The following NRXN1 variants were observed in gnomAD, a reference collection of about 807,000 sequenced individuals.
NRXN1 encodes neurexin-1.
In NRXN1, 39 loss-of-function variants were observed where a neutral mutation model predicts 150.9. The ratio of observed to expected loss-of-function variants is 0.26; its 90% CI spans 0.20 to 0.34. The LOEUF (loss-of-function observed/expected upper bound fraction) is 0.34. Ranked by LOEUF, NRXN1 falls within the 10% of genes least tolerant of loss-of-function variation. The pLI, the probability that NRXN1 is intolerant of heterozygous loss-of-function variation, is 1.00. For synonymous variants in NRXN1, 924 were observed against 757.0 expected (o/e 1.22, Z -3.62); for missense variants, 1,815 against 1,949.9 (o/e 0.93, Z 1.30).
chr2:50,604,862 C>G (rs72885605), intron 8 of NRXN1, among the ~76,000 whole-genome samples: 1,847 of 152,304 alleles, frequency 0.012, 42 homozygotes, highest in African/African-American at 0.042. Flanking sequence ...AAGTCACAAT[C>G]TCTACCATCA....
intron 17 of NRXN1, among the ~76,000 whole-genome samples, chr2:50,409,733 C>T (rs574166464): frequency 2.2e-4 from 33 of 152,290 alleles, no homozygotes; most frequent in African/African-American, 7.7e-4. Flanking sequence ...AAGTTCACTA[C>T]AATAGTTACA....
At position 50,424,219 on chromosome 2, in the gene NRXN1, GAGA is replaced by G. The variant is rs1229065528; in HGVS notation, c.3364+41220_3364+41222del. 3.0e-3 allele frequency among the ~76,000 whole-genome samples: 321 copies of G among 107,212 alleles called. 3 individuals carry two copies. Among genetic ancestry groups the G allele is most frequent in the Non-Finnish European group, 4.7e-3 (253 of 54,324 alleles). The allele number at this position is 107,212 out of a possible 152,430, so 70.3% of individuals were successfully genotyped here. ...GAGGAGGAGGGAAGAGGAGGAGAAG[GAGA>G]AGAAGAAGAAGAAGAGGAGGAGGAA... is the stretch of plus-strand genomic sequence containing the variant. On this transcript the variant is annotated intron_variant, in intron 17 of 22. Transcript: ENST00000401669.
intron 5 of NRXN1, chr2:50,918,350 T>G (rs937436328): frequency 3.0e-5 from 8 of 266,966 alleles, no homozygotes; most frequent in African/African-American, 1.5e-4. Context: ...AGAAAAATGT[T>G]CTGGAAATAC....
At chr2:50,100,764 T>A (rs1445151935) in intron 18 of NRXN1, among the ~76,000 whole-genome samples, 2 of 152,112 alleles carry the variant, frequency 1.3e-5, no homozygotes, top group Non-Finnish European at 2.9e-5. Context: ...ATTAATTCTG[T>A]ATCTCCATCC....
intron 12 of NRXN1, among the ~76,000 whole-genome samples, chr2:50,516,656 T>C (rs1192590587): frequency 6.6e-6 from 1 of 152,162 alleles, no homozygotes; most frequent in Non-Finnish European, 1.5e-5. Flanking sequence ...ATGTAACTCC[T>C]TTCTCTTTTC....
At chr2:50,290,803 C>G (rs62133122) in intron 17 of NRXN1, among the ~76,000 whole-genome samples, 3 of 152,120 alleles carry the variant, frequency 2.0e-5, no homozygotes, top group South Asian at 4.1e-4. Flanking sequence ...CTCTTCTGGA[C>G]AAAACATGGG....
intron 17 of NRXN1, among the ~76,000 whole-genome samples, chr2:50,261,922 T>C (rs2068330588): frequency 6.6e-6 from 1 of 151,890 alleles, no homozygotes; most frequent in Non-Finnish European, 1.5e-5. Context: ...AACTATACAA[T>C]AATCCTCATT....
At chr2:50,371,519 G>A (rs1034407162) in intron 17 of NRXN1, among the ~76,000 whole-genome samples, 1 of 151,962 alleles carries the variant, frequency 6.6e-6, no homozygotes, top group African/African-American at 2.4e-5. Context: ...TTAATTATGG[G>A]GATTATGTGG....
chr2:50,314,079 T>G (rs2075394923), intron 17 of NRXN1, among the ~76,000 whole-genome samples: 1 of 152,164 alleles, frequency 6.6e-6, no homozygotes, highest in Admixed American at 6.6e-5. Context: ...GGTTTTTCTA[T>G]GCTGAAGATG....
intron 17 of NRXN1, among the ~76,000 whole-genome samples, chr2:50,270,869 G>A (rs930658378): frequency 5.3e-5 from 8 of 152,062 alleles, no homozygotes; most frequent in Non-Finnish European, 1.2e-4. Context: ...ACGTTGGCCA[G>A]GCTGGTGGCG....
At chr2:50,358,020 T>C (rs1265574039) in intron 17 of NRXN1, among the ~76,000 whole-genome samples, 2 of 152,134 alleles carry the variant, frequency 1.3e-5, no homozygotes, top group African/African-American at 4.8e-5. Flanking sequence ...GGTGAGGGAC[T>C]GTGCCATGAG....
Position 50,337,400 on chromosome 2 carries a change from C to A in NRXN1, c.3365-100430G>T, listed in dbSNP as rs542949993. Among the ~76,000 whole-genome samples, 21 of 152,254 alleles carry A rather than the reference C, an allele frequency of 1.4e-4. No homozygotes were observed. The South Asian group carries it at 4.2e-3, about 30-fold the overall frequency. On this transcript the variant is annotated intron_variant, in intron 17 of 22. Coordinates refer to ENST00000401669, the MANE Select transcript of NRXN1 (RefSeq NM_001330078.2). ...GCACCTGGCCAAAAGCATGGACTTT[C>A]TAATTGGCCTGCTTGGGTTTGAATC...
rs143099460 is a variant in NRXN1, at chr2:50,002,325, G to T, written c.4128+50946C>A. 8.5e-5 allele frequency among the ~76,000 whole-genome samples: 13 copies of T among 152,268 alleles called. 1 individual carries two copies. The South Asian group carries it at 1.2e-3, about 15-fold the overall frequency. ...AAACGAAAAAGCTTATTTTCTCAGT[G>T]CTCTGTCTTAGTTTCAGGCTGAGCA... On this transcript the variant is annotated intron_variant, in intron 21 of 22. Coordinates refer to ENST00000401669, the MANE Select transcript of NRXN1 (RefSeq NM_001330078.2).
chr2:50,127,675 C>T (rs1206971176), intron 18 of NRXN1, among the ~76,000 whole-genome samples: 1 of 152,056 alleles, frequency 6.6e-6, no homozygotes, highest in Non-Finnish European at 1.5e-5. Flanking sequence ...CAGCAATGAC[C>T]AGGAAGTCTT....
chr2:50,590,600 G>C (rs1344537786), intron 8 of NRXN1, among the ~76,000 whole-genome samples: 3 of 152,078 alleles, frequency 2.0e-5, no homozygotes, highest in Admixed American at 2.0e-4. Context: ...CCAGTGTGAT[G>C]GGGCCTTTAG....
chr2:50,130,803 G>C (rs999171981), intron 18 of NRXN1, among the ~76,000 whole-genome samples: 13 of 152,138 alleles, frequency 8.5e-5, no homozygotes, highest in Admixed American at 7.2e-4. Flanking sequence ...GAAGTAGTTC[G>C]GAAATCCTGC....
At chr2:50,818,168 C>A (rs1574583038) in intron 5 of NRXN1, among the ~76,000 whole-genome samples, 7 of 126,578 alleles carry the variant, frequency 5.5e-5, no homozygotes, top group Non-Finnish European at 6.8e-5. Flanking sequence ...TTGCAGGATA[C>A]AAAGTCAACA....
chr2:50,599,976 T>C lies in NRXN1; in HGVS notation c.1320+20046A>G, dbSNP rs992308489. Among the ~76,000 whole-genome samples, 14 of 152,142 alleles carry C rather than the reference T, an allele frequency of 9.2e-5. No homozygotes were observed. The South Asian group carries it at 1.0e-3, about 11-fold the overall frequency. On this transcript the variant is annotated intron_variant, in intron 8 of 22. Coordinates refer to ENST00000401669, the MANE Select transcript of NRXN1 (RefSeq NM_001330078.2). ...ACAAAACCAAATGGTGGAAAGCAAATTGATTGCTTATATTAGAAATTAATT... is the reference window on the plus strand; with the variant it reads ...ACAAAACCAAATGGTGGAAAGCAAACTGATTGCTTATATTAGAAATTAATT...
chr2:50,118,615 G>C lies in NRXN1; in HGVS notation c.3547-27121C>G, dbSNP rs138058077. On this transcript the variant is annotated intron_variant, in intron 18 of 22. Coordinates refer to ENST00000401669, the MANE Select transcript of NRXN1 (RefSeq NM_001330078.2). ...GTAGCTCAACAAAAAAGAGAGTGTGGCTCTGTGTTTGATTTTACTTCCTTT... is the reference window on the plus strand; with the variant it reads ...GTAGCTCAACAAAAAAGAGAGTGTGCCTCTGTGTTTGATTTTACTTCCTTT... 2.4e-4 allele frequency among the ~76,000 whole-genome samples: 37 copies of C among 152,150 alleles called. No homozygotes were observed. The South Asian group carries it at 7.5e-3, about 31-fold the overall frequency.
Sources: gnomAD v4.1 joint callset for allele counts (sites outside exome capture counted in the v4.1 genomes callset) on GRCh38, gnomAD v4.1.1 for gene constraint, MANE v1.5 for transcripts, NCBI Gene and HGNC (gene_info 2026-07-23, HGNC 2026-07-21) for gene names.